Variants in C2 observed in about 807,000 individuals in gnomAD.
C2 encodes the protein complement C2, also known as C3/C5 convertase.
A neutral mutation model predicts 85.2 loss-of-function variants in C2; 64 were observed. That is an observed-to-expected ratio of 0.75 (90% confidence interval 0.61 to 0.92). The LOEUF is 0.92. Among genes scored for constraint, C2 ranks in the 40% least tolerant of loss-of-function variants. The pLI, the probability that C2 is intolerant of heterozygous loss-of-function variation, is 0.00. For missense variants in C2, 820 were observed against 971.6 expected (o/e 0.84, Z 2.07); for synonymous variants, 311 against 370.8 (o/e 0.84, Z 1.85).
upstream of C2, chr6:31,900,701 T>A: frequency 6.2e-7 from 1 of 1,604,862 alleles, no homozygotes; most frequent in Non-Finnish European, 8.5e-7. The surrounding 1 kb of genome is among the most constrained non-coding windows in gnomAD (Gnocchi z 9.7). Flanking sequence ...CACGTCCTCA[T>A]CCTCATCCTC....
upstream of C2, among the ~76,000 whole-genome samples, chr6:31,924,574 G>A (rs183890043): frequency 2.0e-5 from 3 of 152,322 alleles, no homozygotes; most frequent in Non-Finnish European, 4.4e-5. Flanking sequence ...TAAGCAGGAA[G>A]AGAGAATGAA....
At position 31,937,559 on chromosome 6, in the gene C2, G is replaced by A. The variant is rs1368811799; in HGVS notation, c.1129+100G>A. On this transcript the variant is annotated intron_variant, in intron 8 of 17. Coordinates refer to ENST00000299367, the MANE Select transcript of C2 (RefSeq NM_000063.6). Reference sequence around the variant, plus strand: ...TGATTCTCCCTCTGCCTGCCACTTTGGGCCCCAGTTTTGTTTTTGTTTTTA... The same window carrying A: ...TGATTCTCCCTCTGCCTGCCACTTTAGGCCCCAGTTTTGTTTTTGTTTTTA... 1.5e-5 allele frequency: 22 copies of A among 1,475,410 alleles called. No homozygotes were observed. In the Admixed American group the frequency reaches 3.7e-4, roughly 25 times the overall value. 91.4% of individuals were successfully genotyped at this position (1,475,410 alleles called of 1,614,324 possible). A position where few individuals can be genotyped will look rare whatever the true frequency, so the allele number is the denominator to read the frequency against.
chr6:31,930,771 G>A (rs779034366), intron 3 of C2, among the ~76,000 whole-genome samples: 9 of 152,232 alleles, frequency 5.9e-5, no homozygotes, highest in Non-Finnish European at 1.2e-4. Flanking sequence ...TTCTGTAGGA[G>A]GGTGAAGTAG....
At chr6:31,928,977 C>A in intron 3 of C2, 60 bp downstream of exon 3, 1 of 1,462,460 alleles carries the variant, frequency 6.8e-7, no homozygotes. Context: ...AACCCTGGGG[C>A]CCAATGTGCA....
chr6:31,919,277 T>C (rs1180621119), upstream of C2, among the ~76,000 whole-genome samples: 1 of 151,860 alleles, frequency 6.6e-6, no homozygotes, highest in Non-Finnish European at 1.5e-5. Context: ...CCTGAGTAGG[T>C]GGGGTGACAA....
In C2 at chr6:31,921,371, G is replaced by T. The variant is rs140966256; in HGVS notation, c.-100+1345G>T. ...AGAAGGTGGGAAATGGCGTGGACAGGTCTTGTAGGAGTCTGGAAGATGAGG... is the reference window on the plus strand; with the variant it reads ...AGAAGGTGGGAAATGGCGTGGACAGTTCTTGTAGGAGTCTGGAAGATGAGG... On this transcript the variant is annotated intron_variant, in intron 1 of 3. Coordinates refer to the C2 transcript ENST00000413154. This position sits in a 1 kb window ranked among gnomAD's most constrained non-coding sequence, Gnocchi z 4.6. Among the ~76,000 whole-genome samples the T allele has an allele frequency of 1.1e-3, 169 of 152,192 alleles. 2 individuals are homozygous for T. The highest frequency in any genetic ancestry group is 7.8e-3 in the Admixed American group (119 of 15,276).
upstream of C2, chr6:31,899,871 C>T: frequency 6.7e-7 from 1 of 1,485,736 alleles, no homozygotes. Context: ...GGCCAAAGAG[C>T]CCTTTTTCCA....
chr6:31,926,821 T>G (rs895171600), upstream of C2, among the ~76,000 whole-genome samples: 2 of 152,154 alleles, frequency 1.3e-5, no homozygotes, highest in African/African-American at 4.8e-5. Context: ...GTTCATTTTT[T>G]TATTGGTCTT....
chr6:31,943,108 G>A lies in C2; in HGVS notation c.1360+9G>A. On this transcript the variant is annotated intron_variant, in intron 10 of 17. Coordinates refer to ENST00000299367, the MANE Select transcript of C2 (RefSeq NM_000063.6). This position sits in a 1 kb window ranked among gnomAD's most constrained non-coding sequence, Gnocchi z 6.4. ...CTTTGAACATATGCTGGGTGAGTGA[G>A]CTTTGCCCTCCTTGGTGTGGGGAGG... 1 of 1,613,020 alleles carries A rather than the reference G, an allele frequency of 6.2e-7. No homozygotes were observed. The highest frequency in any genetic ancestry group is 8.5e-7 in the Non-Finnish European group (1 of 1,179,998).
rs1769500447 is a variant in C2, at chr6:31,928,927, C to G, written c.442+10C>G. 1 of 1,607,106 alleles carries G rather than the reference C, an allele frequency of 6.2e-7. No individual in the cohort carries two copies. Among genetic ancestry groups the G allele is most frequent in the African/African-American group, 1.3e-5 (1 of 74,892 alleles). On this transcript the variant is annotated intron_variant, in intron 3 of 17. Coordinates refer to ENST00000299367, the MANE Select transcript of C2 (RefSeq NM_000063.6). ...GTGTGTGATAATGGGGGTGAGTTCT[C>G]TGGCTGATGGGCTACACAGGGGGCT...
chr6:31,932,961 C>G (rs563429584), intron 3 of C2, among the ~76,000 whole-genome samples: 98 of 152,372 alleles, frequency 6.4e-4, no homozygotes, highest in African/African-American at 1.2e-3. Flanking sequence ...TAACAAAATA[C>G]GAAAACCAGT....
At chr6:31,931,650 C>A (rs1228024717) in intron 3 of C2, among the ~76,000 whole-genome samples, 1 of 152,116 alleles carries the variant, frequency 6.6e-6, no homozygotes, top group Admixed American at 6.5e-5. Context: ...TGAAAAGTCT[C>A]CCAGGTCTAC....
Position 31,943,026 on chromosome 6 carries a change from G to A in C2, c.1287G>A (p.Lys429=). The A allele has an allele frequency of 5.6e-6, 9 of 1,613,114 alleles. No individual in the cohort carries two copies. Among genetic ancestry groups the A allele is most frequent in the Non-Finnish European group, 7.6e-6 (9 of 1,180,046 alleles). ...DWRELNELGS[K]KDGERHAFIL... is the part of the protein sequence containing the mutation. ...GAGAACTGAATGAGCTAGGGTCCAA[G>A]AAGGATGGTGAGAGGCATGCCTTCA... Residue 429 remains lysine, a synonymous_variant, in exon 10 of 18, where the codon AAG becomes AAA. Coordinates refer to ENST00000299367, the MANE Select transcript of C2 (RefSeq NM_000063.6). The surrounding 1 kb of genome is among the most constrained non-coding windows in gnomAD (Gnocchi z 6.4).
At chr6:31,928,638 C>T (rs145964728) in intron 2 of C2, 94 bp from the exon 3 acceptor site, 15 of 1,248,206 alleles carry the variant, frequency 1.2e-5, no homozygotes, top group Non-Finnish European at 1.7e-5. Context: ...GTTGACCATT[C>T]CCATGCATTC....
upstream of C2, chr6:31,900,692 A>ACGTCCT: frequency 6.2e-7 from 1 of 1,610,746 alleles, no homozygotes; most frequent in South Asian, 1.1e-5. This position sits in a 1 kb window ranked among gnomAD's most constrained non-coding sequence, Gnocchi z 9.7. Flanking sequence ...GATGTCAGAC[A>ACGTCCT]CGTCCTCATC....
At chr6:31,912,999 C>T (rs1233180953) in intron 1 of C2, among the ~76,000 whole-genome samples, 5 of 132,986 alleles carry the variant, frequency 3.8e-5, no homozygotes, top group Admixed American at 3.2e-4. Context: ...TTCAAGACCA[C>T]TCTGGGTAAG....
chr6:31,934,076 A>G, intron 5 of C2, 90 bp from the exon 6 acceptor site: 2 of 1,570,038 alleles, frequency 1.3e-6, no homozygotes, highest in Non-Finnish European at 1.8e-6. Context: ...TCAGCCACTG[A>G]AAGGGAGGGA....
chr6:31,944,616 A>C lies in C2; in HGVS notation c.1903-111A>C. On this transcript the variant is annotated intron_variant, in intron 15 of 17. Coordinates refer to ENST00000299367, the MANE Select transcript of C2 (RefSeq NM_000063.6). This position sits in a 1 kb window ranked among gnomAD's most constrained non-coding sequence, Gnocchi z 5.1. ...GGATGGTCTTGAACTCCTGACCTCA[A>C]GTGATCTGCCTGCCTCAACCTCCCA... 2.5e-6 allele frequency: 3 copies of C among 1,195,978 alleles called. No individual in the cohort carries two copies. The highest frequency in any genetic ancestry group is 3.7e-6 in the Non-Finnish European group (3 of 803,120). The allele number at this position is 1,195,978 out of a possible 1,614,324, so 74.1% of individuals were successfully genotyped here. A position where few individuals can be genotyped will look rare whatever the true frequency, so the allele number is the denominator to read the frequency against.
intron 7 of C2, 169 bp downstream of exon 7, chr6:31,936,230 C>A: frequency 1.5e-6 from 1 of 685,902 alleles, no homozygotes; most frequent in Non-Finnish European, 2.6e-6. Context: ...GGGAGTCCAG[C>A]TGCCCCCAGC....
Sources: allele counts gnomAD v4.1 joint callset (sites outside exome capture counted in the v4.1 genomes callset), GRCh38; gene constraint gnomAD v4.1.1; non-coding constraint Gnocchi (gnomAD v3.1); transcripts MANE v1.5; gene names NCBI Gene and HGNC (gene_info 2026-07-23, HGNC 2026-07-21).